MAPK10: variants seen among roughly 807,000 people sequenced by gnomAD.
MAPK10 encodes mitogen-activated protein kinase 10, also known as JNK3 alpha protein kinase.
Under a neutral mutation model 59.3 loss-of-function variants are expected in MAPK10, and 25 were observed. That is an observed-to-expected ratio of 0.42 (90% CI 0.31 to 0.59). The LOEUF is 0.59. Among genes scored for constraint, MAPK10 ranks in the 20% least tolerant of loss-of-function variants. The probability of loss-of-function intolerance (pLI) is 0.15; values close to 1 mark genes in which losing one functional copy is unlikely to be tolerated. For missense variants in MAPK10, 351 were observed against 568.9 expected (o/e 0.62, Z 3.90); for synonymous variants, 190 against 200.5 (o/e 0.95, Z 0.44).
rs539029371 is a variant in MAPK10, at chr4:86,182,110, G to T, written c.66+12226C>A. Among the ~76,000 whole-genome samples the T allele has an allele frequency of 1.1e-4, 17 of 151,920 alleles. No individual in the cohort carries two copies. In the South Asian group the frequency reaches 3.5e-3, roughly 32 times the overall value. On this transcript the variant is annotated intron_variant, in intron 3 of 13. Coordinates refer to ENST00000641462, the MANE Select transcript of MAPK10 (RefSeq NM_138982.4). ...TGAATTAATACCAGTGCAAACTAAA[G>T]ATTATTCTTTTATTGTCCAACATTA...
chr4:86,567,896 C>T (rs1761170898), intron 1 of MAPK10, among the ~76,000 whole-genome samples: 1 of 152,044 alleles, frequency 6.6e-6, no homozygotes, highest in South Asian at 2.1e-4. Context: ...ATTATTGTAA[C>T]AGAAAGTAAA....
At chr4:86,103,105 G>GTGTA (rs910497498) in intron 6 of MAPK10, 81 bp downstream of exon 6, 51 of 793,816 alleles carry the variant, frequency 6.4e-5, no homozygotes, top group Admixed American at 1.2e-4. Flanking sequence ...GTGTGTGTGT[G>GTGTA]TGTGTGTGTG....
intron 1 of MAPK10, among the ~76,000 whole-genome samples, chr4:86,486,815 C>T (rs1197681121): frequency 6.6e-6 from 1 of 152,124 alleles, no homozygotes; most frequent in Non-Finnish European, 1.5e-5. Context: ...GGTGGAGAAA[C>T]CAAACAACAT....
rs1285804087 is a variant in MAPK10, at chr4:86,087,845, TATTAC to T, written c.802+10674_802+10678del. ...ACAAATATTAATCCTCAAGTGTGTA[TATTAC>T]ATTATAGACATTTGATAAAAAATTA... On this transcript the variant is annotated intron_variant, in intron 9 of 13. Transcript: ENST00000641462. Among the ~76,000 whole-genome samples the T allele has an allele frequency of 2.0e-5, 3 of 152,102 alleles. No homozygotes were observed. The East Asian group carries it at 5.8e-4, about 29-fold the overall frequency.
At chr4:86,577,763 T>C (rs1226255055) in intron 1 of MAPK10, among the ~76,000 whole-genome samples, 2 of 152,158 alleles carry the variant, frequency 1.3e-5, no homozygotes, top group Non-Finnish European at 2.9e-5. Context: ...TTATAAAGGC[T>C]GAATATTGAC....
intron 2 of MAPK10, among the ~76,000 whole-genome samples, chr4:86,311,513 GTAACTACATT>G (rs2095668828): frequency 6.6e-6 from 1 of 152,084 alleles, no homozygotes; most frequent in Admixed American, 6.6e-5. Context: ...TTAAAGGACT[GTAACTACATT>G]TAACTACATT....
intron 11 of MAPK10, among the ~76,000 whole-genome samples, chr4:86,039,483 T>A (rs899151223): frequency 3.9e-5 from 6 of 152,174 alleles, no homozygotes; most frequent in African/African-American, 1.4e-4. Context: ...CTAGTACTTG[T>A]GGACTGAGCT....
intron 3 of MAPK10, among the ~76,000 whole-genome samples, chr4:86,170,011 C>T (rs1198114838): frequency 3.3e-5 from 5 of 151,682 alleles, no homozygotes; most frequent in East Asian, 1.9e-4. Context: ...AAAGCAAATG[C>T]TGAGATTTTG....
intron 1 of MAPK10, among the ~76,000 whole-genome samples, chr4:86,503,379 CT>C (rs1755472182): frequency 6.6e-6 from 1 of 152,092 alleles, no homozygotes; most frequent in Non-Finnish European, 1.5e-5. Flanking sequence ...CCTAAAATAT[CT>C]CTCTATCCTC....
intron 2 of MAPK10, among the ~76,000 whole-genome samples, chr4:86,246,167 C>T (rs2093072007): frequency 6.6e-6 from 1 of 152,208 alleles, no homozygotes; most frequent in South Asian, 2.1e-4. Flanking sequence ...CGCGGTGGCT[C>T]ACGCCTGTAA....
intron 3 of MAPK10, among the ~76,000 whole-genome samples, chr4:86,183,885 G>A (rs569211965): frequency 4.6e-5 from 7 of 152,266 alleles, no homozygotes; most frequent in African/African-American, 1.7e-4. Context: ...TTTCTCTGAT[G>A]GCCAGAGATG....
At chr4:86,449,174 G>A (rs979592600) in intron 1 of MAPK10, among the ~76,000 whole-genome samples, 5 of 151,862 alleles carry the variant, frequency 3.3e-5, no homozygotes, top group African/African-American at 4.8e-5. Context: ...TTGGGGACCC[G>A]TGTTCTAACT....
intron 2 of MAPK10, among the ~76,000 whole-genome samples, chr4:86,247,523 A>G (rs1488580082): frequency 6.6e-6 from 1 of 152,204 alleles, no homozygotes; most frequent in Non-Finnish European, 1.5e-5. Flanking sequence ...GCCATGATTT[A>G]GTCAGATAAA....
intron 2 of MAPK10, among the ~76,000 whole-genome samples, chr4:86,295,829 G>C (rs1025761015): frequency 2.3e-5 from 3 of 129,184 alleles, no homozygotes; most frequent in African/African-American, 7.8e-5. Flanking sequence ...ATATCCCAAG[G>C]GCTATTTTTT....
At chr4:86,221,693 A>T (rs947468022) in intron 2 of MAPK10, among the ~76,000 whole-genome samples, 3 of 151,998 alleles carry the variant, frequency 2.0e-5, no homozygotes, top group African/African-American at 7.3e-5. Context: ...TTGTAGAGAC[A>T]GGTTTTGCCA....
chr4:86,497,696 C>A (rs1197941854), intron 1 of MAPK10, among the ~76,000 whole-genome samples: 1 of 152,136 alleles, frequency 6.6e-6, no homozygotes. Context: ...GGAAAGAAAG[C>A]CCTGGTTTGT....
intron 1 of MAPK10, among the ~76,000 whole-genome samples, chr4:86,479,077 C>A (rs1242766999): frequency 1.3e-5 from 2 of 152,168 alleles, no homozygotes; most frequent in Non-Finnish European, 2.9e-5. Context: ...TTGGTAGACA[C>A]TTTCACTGGA....
At position 86,552,426 on chromosome 4, in the gene MAPK10, GAGGAAGGAAGGA is replaced by G. The variant is rs1354327822; in HGVS notation, c.-263+41472_-263+41483del. On this transcript the variant is annotated intron_variant, in intron 1 of 4. Transcript: ENST00000502302. ...ACAGAGTGAGACCCTGTCTCAAAGA[GAGGAAGGAAGGA>G]AGGAAGGAAGGAAGGAAGGAAGGAG... is the stretch of plus-strand genomic sequence containing the variant. 3.7e-5 allele frequency among the ~76,000 whole-genome samples: 4 copies of G among 106,926 alleles called. 1 individual carries two copies. Among genetic ancestry groups the G allele is most frequent in the African/African-American group, 7.8e-5 (2 of 25,670 alleles). 70.1% of individuals were successfully genotyped at this position (106,926 alleles called of 152,430 possible). A position where few individuals can be genotyped will look rare whatever the true frequency, so the allele number is the denominator to read the frequency against.
intron 2 of MAPK10, among the ~76,000 whole-genome samples, chr4:86,299,119 A>G (rs193058922): frequency 6.6e-6 from 1 of 152,352 alleles, no homozygotes; most frequent in East Asian, 1.9e-4. Context: ...TGATTAGAGT[A>G]CAATAAGGAA....
Sources: gnomAD v4.1 joint callset for allele counts (sites outside exome capture counted in the v4.1 genomes callset) on GRCh38, gnomAD v4.1.1 for gene constraint, MANE v1.5 for transcripts, NCBI Gene and HGNC (gene_info 2026-07-23, HGNC 2026-07-21) for gene names.